The following MED16 variants were observed in gnomAD, a reference collection of about 807,000 sequenced individuals.
MED16 encodes mediator of RNA polymerase II transcription subunit 16.
In MED16, 81 loss-of-function variants were observed where a neutral mutation model predicts 84.4. The ratio of observed to expected loss-of-function variants is 0.96; its 90% CI spans 0.80 to 1.15. The LOEUF (loss-of-function observed/expected upper bound fraction) is 1.15. MED16 is among the 50% of genes most tolerant of loss of function. MED16 has a pLI of 0.00. For missense variants in MED16, 1,585 were observed against 1,245.9 expected (o/e 1.27, Z -4.10); for synonymous variants, 897 against 552.2 (o/e 1.62, Z -8.76).
chr19:880,290 G>A (rs1224233638), intron 7 of MED16, 142 bp from the exon 8 acceptor site: 20 of 680,420 alleles, frequency 2.9e-5, no homozygotes, highest in East Asian at 1.7e-4. Flanking sequence ...TCCAGCGCCC[G>A]TGCCCCCAGC....
chr19:881,840 G>A (rs1390028253), intron 6 of MED16, 126 bp from the exon 7 acceptor site: 21 of 1,155,768 alleles, frequency 1.8e-5, no homozygotes, highest in Non-Finnish European at 2.6e-5. Flanking sequence ...ATGCCGCCCT[G>A]CTCCCATGCC....
chr19:871,253 C>G lies in MED16; in HGVS notation c.2099G>C (p.Cys700Ser), dbSNP rs1315497368. 6.5e-7 allele frequency: 1 copy of G among 1,534,186 alleles called. No individual in the cohort carries two copies. Among genetic ancestry groups the G allele is most frequent in the Non-Finnish European group, 8.8e-7 (1 of 1,135,224 alleles). The change falls in exon 13 of 16, where the codon TGT (cysteine) becomes TCT (serine). Residue 700 changes from cysteine (C) to serine (S), a missense_variant and splice_region_variant. Cys to Ser is a moderately radical substitution (Grantham distance 112). Transcript: ENST00000325464. ...FRLLTKLWIC[C>S]RDEGPASEPD... ...CTCGCTCGCTGGGCCCTCATCGCGA[C>G]CTGCGGAGAGAGGTGGCGGAAGTCT...
At chr19:876,278 G>T (rs535562922) in intron 9 of MED16, among the ~76,000 whole-genome samples, 1 of 152,238 alleles carries the variant, frequency 6.6e-6, no homozygotes, top group African/African-American at 2.4e-5. Flanking sequence ...TGGGATTGCA[G>T]GCACATAACC....
chr19:877,531 C>T (rs1418495067), intron 8 of MED16, among the ~76,000 whole-genome samples: 2 of 116,170 alleles, frequency 1.7e-5, no homozygotes, highest in African/African-American at 3.5e-5. Flanking sequence ...CCCCACTGAC[C>T]TCGCTCAACA....
intron 6 of MED16, among the ~76,000 whole-genome samples, chr19:884,420 G>A (rs553150965): frequency 1.3e-5 from 2 of 152,196 alleles, no homozygotes; most frequent in East Asian, 1.9e-4. Context: ...TGGAGAGGTG[G>A]GGTGGGGTGG....
chr19:877,466 G>A (rs951269659), intron 8 of MED16, among the ~76,000 whole-genome samples: 4 of 149,942 alleles, frequency 2.7e-5, no homozygotes, highest in African/African-American at 9.8e-5. Flanking sequence ...CCCCGTGAAA[G>A]GCGGTCCTCT....
chr19:872,232 C>T (rs1460280474), intron 11 of MED16, 114 bp from the exon 12 acceptor site: 2 of 852,836 alleles, frequency 2.3e-6, no homozygotes, highest in Non-Finnish European at 3.6e-6. Flanking sequence ...GGGTCTGGGA[C>T]ATTTGTGGTG....
rs139834365 is a variant in MED16, at chr19:868,925, G to A, written c.2337C>T (p.Ile779=). The A allele has an allele frequency of 4.1e-4, 636 of 1,547,242 alleles. 1 individual carries two copies. The highest frequency in any genetic ancestry group is 5.1e-4 in the Non-Finnish European group (587 of 1,152,138). The change falls in exon 14 of 16, where the codon ATC becomes ATT. Residue 779 remains isoleucine (I), a synonymous_variant. Transcript: ENST00000325464. ...GLARAPGQPK[I]DHLRRLHLGA... Reference sequence around the variant, plus strand: ...CAAGGTGCAGCCTCCGCAGGTGGTCGATCTTGGGCTGGCCTGGGGCCCTGG... The same window carrying A: ...CAAGGTGCAGCCTCCGCAGGTGGTCAATCTTGGGCTGGCCTGGGGCCCTGG...
At chr19:874,324 G>A (rs1449293697) in intron 10 of MED16, among the ~76,000 whole-genome samples, 2 of 152,150 alleles carry the variant, frequency 1.3e-5, no homozygotes. Context: ...GTGTTAGCCA[G>A]GATGATCTCG....
chr19:875,891 G>T (rs936303286), intron 9 of MED16, among the ~76,000 whole-genome samples: 1 of 152,162 alleles, frequency 6.6e-6, no homozygotes, highest in African/African-American at 2.4e-5. Flanking sequence ...GAGGCTGGAG[G>T]ATTCCTGGAG....
At chr19:888,471 C>T (rs937574235) in intron 4 of MED16, among the ~76,000 whole-genome samples, 2 of 150,066 alleles carry the variant, frequency 1.3e-5, no homozygotes, top group Non-Finnish European at 3.0e-5. Flanking sequence ...TTGCTGTGAG[C>T]CAAGATCGCA....
chr19:875,866 G>A (rs950909645), intron 9 of MED16, among the ~76,000 whole-genome samples: 11 of 152,324 alleles, frequency 7.2e-5, no homozygotes, highest in African/African-American at 2.6e-4. Context: ...ATGAGCTGAA[G>A]CATTTTGGGA....
intron 4 of MED16, among the ~76,000 whole-genome samples, chr19:888,776 C>A (rs952946902): frequency 2.0e-5 from 3 of 152,178 alleles, no homozygotes; most frequent in African/African-American, 7.2e-5. Flanking sequence ...TGTACTGCGG[C>A]AATGCGCCGA....
chr19:878,512 ACGT>A (rs2145220249), intron 8 of MED16, among the ~76,000 whole-genome samples: 1 of 105,654 alleles, frequency 9.5e-6, no homozygotes, highest in South Asian at 3.5e-4. Flanking sequence ...CCCCAGCCCC[ACGT>A]GCCCCAGCAG....
chr19:872,397 C>T (rs1268514564), intron 11 of MED16, among the ~76,000 whole-genome samples: 5 of 152,168 alleles, frequency 3.3e-5, no homozygotes, highest in African/African-American at 9.6e-5. Flanking sequence ...AATATCCCCA[C>T]CTGCACGTGG....
rs141098575 is a variant in MED16 at position 890,050 on chromosome 19, G to A, written c.277+87C>T. 2.4e-4 allele frequency: 258 copies of A among 1,060,276 alleles called. 1 individual carries two copies. In the African/African-American group the frequency reaches 3.4e-3, roughly 14 times the overall value. 65.7% of individuals were successfully genotyped at this position (1,060,276 alleles called of 1,614,324 possible). A position where few individuals can be genotyped will look rare whatever the true frequency, so the allele number is the denominator to read the frequency against. ...GACCAGGGGCTCTAGACCCAGCGCC[G>A]GACTCCAGACTGACCGGAGAAACAC... is the stretch of plus-strand genomic sequence containing the variant. On this transcript the variant is annotated intron_variant, in intron 3 of 15. Transcript: ENST00000325464.
In MED16 at chr19:875,251, G is replaced by C. The variant is rs141601240; in HGVS notation, c.1764C>G (p.Thr588=). 6.2e-7 allele frequency: 1 copy of C among 1,606,316 alleles called. No homozygotes were observed. Among genetic ancestry groups the C allele is most frequent in the Non-Finnish European group, 8.5e-7 (1 of 1,176,242 alleles). ...DRLTEICTKI[T]DVDIDKVMIN... ...GCGTGGAAAAGGACCCACCGACGTC[G>C]GTGATCTTGGTGCAGATCTCGGTCA... Residue 588 remains threonine (T), a synonymous_variant, in exon 10 of 16, where the codon ACC becomes ACG. Transcript: ENST00000325464.
chr19:891,789 C>A (rs1264827539), intron 1 of MED16, among the ~76,000 whole-genome samples: 10 of 78,850 alleles, frequency 1.3e-4, no homozygotes, highest in African/African-American at 6.4e-4. Context: ...TGACGGGGAA[C>A]ACCTGTGGCC....
chr19:879,895 C>A (rs759212514), intron 8 of MED16, 42 bp downstream of exon 8: 24 of 1,447,388 alleles, frequency 1.7e-5, no homozygotes, highest in Non-Finnish European at 2.0e-5. Flanking sequence ...CCCTGGTTGT[C>A]AATGCCCACC....
Sources: allele counts gnomAD v4.1 joint callset (sites outside exome capture counted in the v4.1 genomes callset), GRCh38; gene constraint gnomAD v4.1.1; transcripts MANE v1.5; gene names NCBI Gene and HGNC (gene_info 2026-07-23, HGNC 2026-07-21).